The following ASTN2 variants were observed in gnomAD, a reference collection of about 807,000 sequenced individuals.
ASTN2 encodes the protein astrotactin 2.
ASTN2 carries 54 observed loss-of-function variants against 139.8 expected under a neutral mutation model. The ratio of observed to expected loss-of-function variants is 0.39; its 90% CI spans 0.31 to 0.48. The LOEUF (loss-of-function observed/expected upper bound fraction) is 0.48, where lower values mean the gene tolerates loss of function less well. ASTN2 is among the 20% of genes least tolerant of loss of function. The pLI, the probability that ASTN2 is intolerant of heterozygous loss-of-function variation, is 0.95. For synonymous variants in ASTN2, 756 were observed against 719.5 expected (o/e 1.05, Z -0.81); for missense variants, 1,565 against 1,725.1 (o/e 0.91, Z 1.64).
chr9:116,594,453 C>T (rs979069422), intron 19 of ASTN2, among the ~76,000 whole-genome samples: 31 of 152,186 alleles, frequency 2.0e-4, no homozygotes, highest in African/African-American at 7.5e-4. Flanking sequence ...ATACAAGCCA[C>T]TAGTATCAAC....
At chr9:116,431,958 T>C (rs966238847) in intron 22 of ASTN2, among the ~76,000 whole-genome samples, 12 of 152,170 alleles carry the variant, frequency 7.9e-5, no homozygotes, top group African/African-American at 2.4e-4. Flanking sequence ...GAAAGGGTTA[T>C]TCTATGTGGC....
intron 19 of ASTN2, among the ~76,000 whole-genome samples, chr9:116,495,765 A>C (rs1342510226): frequency 1.3e-5 from 2 of 152,146 alleles, no homozygotes; most frequent in African/African-American, 4.8e-5. Context: ...CAGACTCCAA[A>C]ACCCGAGCCT....
chr9:117,215,613 C>G (rs1280537116), intron 2 of ASTN2, among the ~76,000 whole-genome samples: 1 of 152,070 alleles, frequency 6.6e-6, no homozygotes, highest in Non-Finnish European at 1.5e-5. Flanking sequence ...ATGAAATACT[C>G]TGGTCTGTAA....
At chr9:117,359,842 T>G (rs1047425546) in intron 1 of ASTN2, among the ~76,000 whole-genome samples, 11 of 152,138 alleles carry the variant, frequency 7.2e-5, no homozygotes, top group African/African-American at 2.7e-4. Flanking sequence ...TTTCTGAGCC[T>G]CTGTTTCCCT....
chr9:117,382,279 G>T lies in ASTN2; in HGVS notation c.442+32218C>A, dbSNP rs547710799. Among the ~76,000 whole-genome samples the T allele has an allele frequency of 7.2e-4, 109 of 152,286 alleles. 1 individual carries two copies. The highest frequency in any genetic ancestry group is 1.3e-3 in the Non-Finnish European group (89 of 68,020). ...GAGGGAACAGAGTATGACTAGGTGT[G>T]GAGGACTAGCATTATTCTGAGTTCA... On this transcript the variant is annotated intron_variant, in intron 1 of 22. Transcript: ENST00000313400.
At chr9:116,871,913 G>C (rs1833176232) in intron 10 of ASTN2, among the ~76,000 whole-genome samples, 1 of 152,156 alleles carries the variant, frequency 6.6e-6, no homozygotes, top group Non-Finnish European at 1.5e-5. Flanking sequence ...AGTTTGTCTG[G>C]AGTCAGACTG....
At chr9:117,223,179 G>A (rs996156315) in intron 2 of ASTN2, among the ~76,000 whole-genome samples, 2 of 152,140 alleles carry the variant, frequency 1.3e-5, no homozygotes, top group African/African-American at 2.4e-5. Context: ...TGAAAACAGG[G>A]ATACCATTGA....
intron 3 of ASTN2, among the ~76,000 whole-genome samples, chr9:117,195,766 A>G (rs1173840607): frequency 6.6e-6 from 1 of 152,156 alleles, no homozygotes; most frequent in East Asian, 1.9e-4. Flanking sequence ...AGGGTGAGTT[A>G]ACAAACAGCT....
rs1830518765 is a variant in ASTN2 at position 116,790,960 on chromosome 9, AAAGAAGGAAAGAAAGAAAGAAAG to A, written c.2396+14649_2396+14671del. Among the ~76,000 whole-genome samples the A allele has an allele frequency of 3.1e-5, 4 of 128,602 alleles. No individual in the cohort carries two copies. The East Asian group carries it at 6.2e-4, about 20-fold the overall frequency. 84.4% of individuals were successfully genotyped at this position (128,602 alleles called of 152,430 possible). On this transcript the variant is annotated intron_variant, in intron 13 of 22. Coordinates refer to ENST00000313400, the MANE Select transcript of ASTN2 (RefSeq NM_001365068.1). ...AAAGAAAGAAAGAAAGAAAGAAAAG[AAAGAAGGAAAGAAAGAAAGAAAG>A]AAAGAAAGAAAGAAAGAAAGAAAGA...
At chr9:117,368,843 T>A (rs956605131) in intron 1 of ASTN2, among the ~76,000 whole-genome samples, 21 of 152,230 alleles carry the variant, frequency 1.4e-4, no homozygotes, top group Admixed American at 1.3e-3. Context: ...AAAGGATTAC[T>A]GTGCCTTTAA....
In ASTN2 at chr9:116,725,795, G is replaced by C. The variant is rs778534112; in HGVS notation, c.2782C>G (p.Gln928Glu). 19 of 1,613,550 alleles carry C rather than the reference G, an allele frequency of 1.2e-5. No individual in the cohort carries two copies. The South Asian group carries it at 2.1e-4, about 18-fold the overall frequency. The change falls in exon 16 of 23, where the codon CAG (glutamine) becomes GAG (glutamate). Residue 928 changes from glutamine (Q) to glutamate (E), a missense_variant. Transcript: ENST00000313400. ...IHFPSKKVQQ[Q>E]LWLQYQKETT... ...CCTTTCTGATACTGGAGCCACAGCT[G>C]CTGCTGGACCTTCTTGCTGGGAAAG...
At chr9:116,601,795 C>T (rs1854914605) in intron 19 of ASTN2, among the ~76,000 whole-genome samples, 1 of 152,138 alleles carries the variant, frequency 6.6e-6, no homozygotes. Flanking sequence ...TATCGAATTA[C>T]AGATGCTTAT....
chr9:117,032,317 T>A (rs1019259975), intron 6 of ASTN2, among the ~76,000 whole-genome samples: 3 of 152,118 alleles, frequency 2.0e-5, no homozygotes, highest in Admixed American at 6.6e-5. Context: ...GGTAGGACAG[T>A]CTATTTGTCT....
chr9:117,192,206 T>C (rs1831367466), intron 3 of ASTN2, among the ~76,000 whole-genome samples: 1 of 152,046 alleles, frequency 6.6e-6, no homozygotes, highest in African/African-American at 2.4e-5. Flanking sequence ...GCCTAGGCAT[T>C]TAGACACCAG....
intron 19 of ASTN2, among the ~76,000 whole-genome samples, chr9:116,538,123 T>C (rs1348080311): frequency 1.3e-5 from 2 of 151,788 alleles, no homozygotes; most frequent in Non-Finnish European, 2.9e-5. Context: ...GCTCATCTGA[T>C]AGGAATGAAT....
At chr9:117,110,029 G>T (rs988553319) in intron 4 of ASTN2, among the ~76,000 whole-genome samples, 1 of 152,104 alleles carries the variant, frequency 6.6e-6, no homozygotes, top group Non-Finnish European at 1.5e-5. Context: ...GGAATCTGCT[G>T]CCATAGAACC....
chr9:116,944,568 G>A (rs1346446041), intron 10 of ASTN2, among the ~76,000 whole-genome samples: 1 of 151,328 alleles, frequency 6.6e-6, no homozygotes, highest in Non-Finnish European at 1.5e-5. Context: ...TGTAATCCCA[G>A]CTACTTGGGA....
At chr9:116,919,297 A>G (rs1834532834) in intron 10 of ASTN2, among the ~76,000 whole-genome samples, 1 of 152,178 alleles carries the variant, frequency 6.6e-6, no homozygotes, top group South Asian at 2.1e-4. Context: ...TTTTGTGGCT[A>G]TGTTTGCCCC....
chr9:117,344,276 G>A (rs142960017), intron 1 of ASTN2, among the ~76,000 whole-genome samples: 183 of 152,212 alleles, frequency 1.2e-3, no homozygotes, highest in African/African-American at 3.8e-3. Context: ...AGCCCTCTAC[G>A]TATGGAAATG....
Sources: gnomAD v4.1 joint callset for allele counts (sites outside exome capture counted in the v4.1 genomes callset) on GRCh38, gnomAD v4.1.1 for gene constraint, MANE v1.5 for transcripts, NCBI Gene and HGNC (gene_info 2026-07-23, HGNC 2026-07-21) for gene names.